The following CMIP variants were observed in gnomAD, a reference collection of about 807,000 sequenced individuals.
CMIP encodes the protein c-Maf inducing protein, also known as C-Maf-inducing protein.
Under a neutral mutation model 97.3 loss-of-function variants are expected in CMIP, and 13 were observed. That is an observed-to-expected ratio of 0.13 (90% CI 0.09 to 0.21). The LOEUF (loss-of-function observed/expected upper bound fraction) is 0.21, where lower values mean the gene tolerates loss of function less well. Ranked by LOEUF, CMIP falls within the 10% of genes least tolerant of loss-of-function variation. CMIP has a pLI of 1.00. For missense variants in CMIP, 847 were observed against 1,024.9 expected (o/e 0.83, Z 2.37); for synonymous variants, 538 against 436.3 (o/e 1.23, Z -2.91).
chr16:81,545,869 C>T (rs1340317531), intron 1 of CMIP, among the ~76,000 whole-genome samples: 5 of 152,156 alleles, frequency 3.3e-5, no homozygotes, highest in Non-Finnish European at 7.4e-5. Context: ...TGAGCGAGCA[C>T]GGGATTCCCA....
At chr16:81,572,159 C>G (rs1222456167) in intron 1 of CMIP, among the ~76,000 whole-genome samples, 1 of 152,262 alleles carries the variant, frequency 6.6e-6, no homozygotes, top group Non-Finnish European at 1.5e-5. Flanking sequence ...CAGAGACCTT[C>G]AGCTCCGCGT....
At chr16:81,497,158 C>G (rs1597476552) in intron 1 of CMIP, among the ~76,000 whole-genome samples, 2 of 152,364 alleles carry the variant, frequency 1.3e-5, no homozygotes, top group Middle Eastern at 3.4e-3. Flanking sequence ...CCCTGCCTGA[C>G]AGCCTTGCAT....
At chr16:81,555,437 AT>A (rs1399435343) in intron 1 of CMIP, among the ~76,000 whole-genome samples, 4 of 152,192 alleles carry the variant, frequency 2.6e-5, no homozygotes, top group Non-Finnish European at 4.4e-5. Flanking sequence ...TCAGCAGGGA[AT>A]GGGGACAGTG....
In CMIP at chr16:81,652,444, G is replaced by A. The variant is rs148328077; in HGVS notation, c.639+80G>A. ...ACCGGCTCCATGCCAAGCAGCAGGC[G>A]CAGGCAGAGCTCCGTGTGGGCTGTG... On this transcript the variant is annotated intron_variant, in intron 4 of 20. Coordinates refer to ENST00000537098, the MANE Select transcript of CMIP (RefSeq NM_198390.3). This position sits in a 1 kb window ranked among gnomAD's most constrained non-coding sequence, Gnocchi z 5.2. 2.1e-3 allele frequency: 2,617 copies of A among 1,255,736 alleles called. 47 individuals carry two copies. In the African/African-American group the frequency reaches 0.033, roughly 16 times the overall value. 77.8% of individuals were successfully genotyped at this position (1,255,736 alleles called of 1,614,324 possible).
chr16:81,493,741 A>G (rs940588266), intron 1 of CMIP, among the ~76,000 whole-genome samples: 1 of 152,236 alleles, frequency 6.6e-6, no homozygotes, highest in Non-Finnish European at 1.5e-5. Context: ...ACATACACGA[A>G]GCAACACGCA....
intron 1 of CMIP, among the ~76,000 whole-genome samples, chr16:81,540,376 C>T (rs945116281): frequency 6.6e-6 from 1 of 152,168 alleles, no homozygotes; most frequent in Non-Finnish European, 1.5e-5. Flanking sequence ...AATCACGGCT[C>T]ACTGCAGCCT....
chr16:81,584,371 CTG>C (rs1458249889), intron 1 of CMIP, among the ~76,000 whole-genome samples: 4 of 152,184 alleles, frequency 2.6e-5, no homozygotes, highest in Non-Finnish European at 4.4e-5. Flanking sequence ...AATGAATAAA[CTG>C]TGAGTCTGAA....
intron 1 of CMIP, among the ~76,000 whole-genome samples, chr16:81,511,910 C>T (rs938637488): frequency 7.9e-5 from 12 of 152,312 alleles, no homozygotes; most frequent in Admixed American, 7.2e-4. Flanking sequence ...CCACCAGCCA[C>T]ACATGGTCGC....
At chr16:81,558,481 A>G (rs2090812581) in intron 1 of CMIP, among the ~76,000 whole-genome samples, 1 of 152,164 alleles carries the variant, frequency 6.6e-6, no homozygotes, top group Non-Finnish European at 1.5e-5. Flanking sequence ...GCCACATTTT[A>G]CATTTCCACT....
At chr16:81,620,050 T>C (rs1283270026) in intron 2 of CMIP, 3 of 152,238 alleles carry the variant, frequency 2.0e-5, no homozygotes, top group Non-Finnish European at 4.4e-5. Context: ...ATGGCTGCAT[T>C]TCTGACCACC....
intron 19 of CMIP, among the ~76,000 whole-genome samples, chr16:81,705,836 G>GA (rs1038764864): frequency 2.0e-5 from 3 of 152,226 alleles, no homozygotes; most frequent in Non-Finnish European, 4.4e-5. Context: ...AGAGGCAATA[G>GA]AAAAAATGAG....
At chr16:81,605,556 C>G (rs1165382013) in intron 1 of CMIP, among the ~76,000 whole-genome samples, 1 of 152,240 alleles carries the variant, frequency 6.6e-6, no homozygotes, top group African/African-American at 2.4e-5. Context: ...CTACCAGCCT[C>G]TCCAGGAGTG....
chr16:81,503,956 C>T (rs1037824190), intron 1 of CMIP, among the ~76,000 whole-genome samples: 1 of 152,214 alleles, frequency 6.6e-6, no homozygotes, highest in African/African-American at 2.4e-5. Context: ...ATATTTAAAT[C>T]CTCACATGCC....
chr16:81,704,883 G>T (rs555725985), intron 18 of CMIP, among the ~76,000 whole-genome samples: 1 of 151,590 alleles, frequency 6.6e-6, no homozygotes, highest in African/African-American at 2.4e-5. Context: ...AATGTGCCCA[G>T]TTCCGAGTCC....
chr16:81,567,530 C>T (rs1056715040), intron 1 of CMIP, among the ~76,000 whole-genome samples: 1 of 152,198 alleles, frequency 6.6e-6, no homozygotes, highest in African/African-American at 2.4e-5. Context: ...TAAGGGATGC[C>T]ACGTCTCTGG....
At position 81,453,368 on chromosome 16, in the gene CMIP, T is replaced by TTGGGC. The variant is rs1597444062; in HGVS notation, c.300+7836_300+7840dup. 6.6e-6 allele frequency among the ~76,000 whole-genome samples: 1 copy of TTGGGC among 152,214 alleles called. No homozygotes were observed. Among genetic ancestry groups the TTGGGC allele is most frequent in the East Asian group, 1.9e-4 (1 of 5,192 alleles). ...TCAAACAGCCATCTGGGTGCTTCCC[T>TTGGGC]TGGGCTGGGCTGGCTGCATCCAGCT... On this transcript the variant is annotated intron_variant, in intron 1 of 20. Transcript: ENST00000537098. This position sits in a 1 kb window ranked among gnomAD's most constrained non-coding sequence, Gnocchi z 4.0.
In CMIP at chr16:81,652,234, G is replaced by T. The variant is rs1231409122; in HGVS notation, c.509G>T (p.Ser170Ile). 1.2e-6 allele frequency: 2 copies of T among 1,613,764 alleles called. No individual in the cohort carries two copies. The highest frequency in any genetic ancestry group is 1.7e-6 in the Non-Finnish European group (2 of 1,179,704). ...KKIYKYKKVLSNPSRWEVVLK... is the reference protein window; with the variant it reads ...KKIYKYKKVLINPSRWEVVLK... ...ATTTACAAATATAAGAAAGTGCTGA[G>T]TAACCCAAGCCGCTGGGAAGTTGTC... is the stretch of plus-strand genomic sequence containing the variant. Residue 170 changes from serine (S) to isoleucine (I), a missense_variant, in exon 4 of 21, where the codon AGT becomes ATT. Physicochemically the swap from Ser to Ile is moderately radical, Grantham distance 142 (BLOSUM62 -2). Transcript: ENST00000537098. The surrounding 1 kb of genome is among the most constrained non-coding windows in gnomAD (Gnocchi z 5.2).
intron 2 of CMIP, among the ~76,000 whole-genome samples, chr16:81,612,380 C>A (rs2091846318): frequency 6.6e-6 from 1 of 152,116 alleles, no homozygotes; most frequent in Non-Finnish European, 1.5e-5. Context: ...TCTGGAAAGT[C>A]CTGCAGGAGG....
At chr16:81,539,442 C>T (rs2090407761) in intron 1 of CMIP, among the ~76,000 whole-genome samples, 1 of 152,174 alleles carries the variant, frequency 6.6e-6, no homozygotes, top group African/African-American at 2.4e-5. Context: ...AAGCACAGAT[C>T]TGCTCAATCA....
Sources: gnomAD v4.1 joint callset for allele counts (sites outside exome capture counted in the v4.1 genomes callset) on GRCh38, gnomAD v4.1.1 for gene constraint, Gnocchi (gnomAD v3.1) non-coding constraint, MANE v1.5 for transcripts, NCBI Gene and HGNC (gene_info 2026-07-23, HGNC 2026-07-21) for gene names.